SGSM1: variants seen among roughly 807,000 people sequenced by gnomAD.
The protein encoded by SGSM1 is small G protein signaling modulator 1, also known as RUN and TBC1 domain containing 2.
SGSM1 carries 73 observed loss-of-function variants against 133.8 expected under a neutral mutation model. The ratio of observed to expected loss-of-function variants is 0.55; its 90% confidence interval spans 0.45 to 0.66. The LOEUF is 0.66. Among genes scored for constraint, SGSM1 ranks in the 30% least tolerant of loss-of-function variants. SGSM1 has a pLI of 0.00. For missense variants in SGSM1, 1,213 were observed against 1,448.1 expected, an observed-to-expected ratio of 0.84 and a Z score of 2.64; for synonymous variants, 563 against 573.0, an observed-to-expected ratio of 0.98 and a Z score of 0.25.
rs188711386 is a variant in SGSM1, at chr22:24,888,687, A to G, written c.1770+1959A>G. ...CCAGCTACTCAGGAGGCTGAGGCAG[A>G]AGAATCGCTTGAACCTGGGAGGTGG... On this transcript the variant is annotated intron_variant, in intron 16 of 24. Transcript: ENST00000400358. Among the ~76,000 whole-genome samples the G allele has an allele frequency of 3.7e-3, 561 of 152,064 alleles. 5 individuals carry two copies. Among genetic ancestry groups the G allele is most frequent in the African/African-American group, 0.013 (539 of 41,520 alleles).
intron 2 of SGSM1, among the ~76,000 whole-genome samples, chr22:24,817,507 C>T (rs1928169483): frequency 6.6e-6 from 1 of 152,058 alleles, no homozygotes; most frequent in Non-Finnish European, 1.5e-5. Context: ...TGCCTGCAAC[C>T]ACGCCTGGCT....
In SGSM1 at chr22:24,893,375, C is replaced by T. The variant is rs1404902926; in HGVS notation, c.1771-56C>T. The T allele has an allele frequency of 1.9e-6, 3 of 1,590,706 alleles. No individual in the cohort carries two copies. In the Admixed American group the frequency reaches 5.2e-5, roughly 28 times the overall value. Reference sequence around the variant, plus strand: ...CCACTCTCTTCCACGTTGGTCTGGCCCTCCCCAGGCGCCCCTTTGTTGACA... The same window carrying T: ...CCACTCTCTTCCACGTTGGTCTGGCTCTCCCCAGGCGCCCCTTTGTTGACA... On this transcript the variant is annotated intron_variant, in intron 16 of 24. Transcript: ENST00000400358.
chr22:24,868,132 A>T (rs1044564095), intron 10 of SGSM1, among the ~76,000 whole-genome samples: 2 of 152,024 alleles, frequency 1.3e-5, no homozygotes, highest in Non-Finnish European at 2.9e-5. Context: ...AATGTCAGGG[A>T]GGTCAACTCG....
chr22:24,811,849 A>G (rs1009278707), intron 2 of SGSM1, among the ~76,000 whole-genome samples: 12 of 146,182 alleles, frequency 8.2e-5, no homozygotes, highest in African/African-American at 2.6e-4. Context: ...AGCCAAGGCA[A>G]CAGAGCGAGA....
rs145721780 is a variant in SGSM1, at chr22:24,844,513, C to T, written c.64-384C>T. The stretch of plus-strand genomic sequence containing the variant: ...TGCACTCCAGCCGGGGCAACAAGAG[C>T]GAAACTCCGTCTAAAAAAAAAAAGA... On this transcript the variant is annotated intron_variant, in intron 2 of 24. Coordinates refer to ENST00000400358, the MANE Select transcript of SGSM1 (RefSeq NM_001098497.3). 7.6e-3 allele frequency: 1,192 copies of T among 156,628 alleles called. 16 individuals are homozygous for T. Among genetic ancestry groups the T allele is most frequent in the African/African-American group, 0.031 (1,115 of 36,526 alleles). 9.7% of individuals were successfully genotyped at this position (156,628 alleles called of 1,614,324 possible). A position where few individuals can be genotyped will look rare whatever the true frequency, so the allele number is the denominator to read the frequency against.
chr22:24,856,039 A>G (rs552652670), intron 8 of SGSM1: 2 of 417,130 alleles, frequency 4.8e-6, no homozygotes, highest in Non-Finnish European at 9.4e-6. Flanking sequence ...CCATCCATCC[A>G]TCCCTCCATC....
chr22:24,875,054 A>G (rs1217238805), intron 12 of SGSM1, among the ~76,000 whole-genome samples: 4 of 152,222 alleles, frequency 2.6e-5, no homozygotes, highest in Admixed American at 6.5e-5. Context: ...CTTGTCAGCT[A>G]CGGAGCTCTG....
At chr22:24,899,251 A>G (rs1030678572) in intron 19 of SGSM1, among the ~76,000 whole-genome samples, 1 of 152,018 alleles carries the variant, frequency 6.6e-6, no homozygotes, top group Non-Finnish European at 1.5e-5. Flanking sequence ...TCACCCCCAG[A>G]AGTCTTTGCC....
chr22:24,889,096 G>A (rs1932757324), intron 16 of SGSM1, among the ~76,000 whole-genome samples: 2 of 151,612 alleles, frequency 1.3e-5, no homozygotes, highest in Non-Finnish European at 2.9e-5. Context: ...CCAGTAGCTG[G>A]GACTACAGGC....
At chr22:24,806,583 G>A (rs979890627) in intron 2 of SGSM1, 99 bp downstream of exon 2, 7 of 1,397,344 alleles carry the variant, frequency 5.0e-6, no homozygotes, top group Non-Finnish European at 6.6e-6. Context: ...GCGGCGGGGG[G>A]GCGGCCAGAA....
intron 19 of SGSM1, among the ~76,000 whole-genome samples, chr22:24,900,340 C>CTTCT (rs201367603): frequency 0.06 from 7,518 of 125,592 alleles, 420 homozygotes; most frequent in Non-Finnish European, 0.068. Flanking sequence ...TTGTTAACCT[C>CTTCT]TTCTTTCTTT....
intron 12 of SGSM1, chr22:24,874,558 A>T (rs1931933546): frequency 6.2e-7 from 1 of 1,604,938 alleles, no homozygotes; most frequent in African/African-American, 1.3e-5. Flanking sequence ...CCCCACGCCA[A>T]GCCCGAAGGA....
At chr22:24,892,695 A>C in intron 16 of SGSM1, among the ~76,000 whole-genome samples, 1 of 151,992 alleles carries the variant, frequency 6.6e-6, no homozygotes, top group East Asian at 1.9e-4. Context: ...GAGTGAGTGA[A>C]TGAATGGATG....
At position 24,806,448 on chromosome 22, in the gene SGSM1, G is replaced by T; in HGVS notation, c.27G>T (p.Glu9Asp). The T allele has an allele frequency of 1.3e-6, 2 of 1,524,118 alleles. No individual in the cohort carries two copies. Among genetic ancestry groups the T allele is most frequent in the Middle Eastern group, 3.4e-4 (2 of 5,866 alleles). 94.4% of individuals were successfully genotyped at this position (1,524,118 alleles called of 1,614,324 possible). A position where few individuals can be genotyped will look rare whatever the true frequency, so the allele number is the denominator to read the frequency against. ...TCGTTTCTTGTCCCACAGAGGCGGAGACCCGACAGAGGCTGCTACGCACCG... is the reference window on the plus strand; with the variant it reads ...TCGTTTCTTGTCCCACAGAGGCGGATACCCGACAGAGGCTGCTACGCACCG... MASAPAEAETRQRLLRTVK... is the reference protein window; with the variant it reads MASAPAEADTRQRLLRTVK... Residue 9 changes from glutamate (E) to aspartate (D), a missense_variant, in exon 2 of 25, where the codon GAG becomes GAT. Physicochemically the swap from Glu to Asp is conservative, Grantham distance 45. Coordinates refer to ENST00000400358, the MANE Select transcript of SGSM1 (RefSeq NM_001098497.3).
At chr22:24,828,270 G>A (rs2147805600) in intron 2 of SGSM1, among the ~76,000 whole-genome samples, 1 of 152,272 alleles carries the variant, frequency 6.6e-6, no homozygotes, top group Middle Eastern at 3.4e-3. Flanking sequence ...TCCTGGCTGT[G>A]TGACCCTGGG....
chr22:24,896,119 G>A (rs997997469), intron 18 of SGSM1, among the ~76,000 whole-genome samples: 1 of 152,064 alleles, frequency 6.6e-6, no homozygotes, highest in Non-Finnish European at 1.5e-5. Context: ...GTAAGAAGAG[G>A]CAATATTAAT....
chr22:24,898,269 G>A lies in SGSM1; in HGVS notation c.2320G>A (p.Glu774Lys). 6.2e-7 allele frequency: 1 copy of A among 1,613,892 alleles called. No individual in the cohort carries two copies. Among genetic ancestry groups the A allele is most frequent in the Non-Finnish European group, 8.5e-7 (1 of 1,179,820 alleles). ...CACATCTCAGGATGAGGCTCCCCGG[G>A]AGGAGCTGGCCGTGCAGGACAGCCT... ...ATTSQDEAPR[E>K]ELAVQDSLES... The change falls in exon 19 of 25, where the codon GAG becomes AAG. Residue 774 changes from glutamate to lysine, a missense_variant. Coordinates refer to ENST00000400358, the MANE Select transcript of SGSM1 (RefSeq NM_001098497.3).
intron 2 of SGSM1, among the ~76,000 whole-genome samples, chr22:24,809,149 A>G (rs1317400107): frequency 6.6e-6 from 1 of 152,074 alleles, no homozygotes; most frequent in African/African-American, 2.4e-5. Flanking sequence ...CCCCCAAAGC[A>G]CGTCTCCCCT....
rs960511276 is a variant in SGSM1, at chr22:24,926,919, A to C, written c.*2645A>C. 3 of 151,328 alleles carry C rather than the reference A, an allele frequency of 2.0e-5. No individual in the cohort carries two copies. The highest frequency in any genetic ancestry group is 4.4e-5 in the Non-Finnish European group (3 of 67,930). 9.4% of individuals were successfully genotyped at this position (151,328 alleles called of 1,614,324 possible). ...TTGCTTCTGAGGACTGTGTCCTCCC[A>C]CTCACACCCCAGTGACCCTATATGG... On this transcript the variant is annotated 3_prime_UTR_variant, in exon 25 of 25. Coordinates refer to ENST00000400358, the MANE Select transcript of SGSM1 (RefSeq NM_001098497.3).
Sources: allele counts gnomAD v4.1 joint callset (sites outside exome capture counted in the v4.1 genomes callset), GRCh38; gene constraint gnomAD v4.1.1; transcripts MANE v1.5; gene names NCBI Gene and HGNC (gene_info 2026-07-23, HGNC 2026-07-21).